The following PAK3 variants were observed in gnomAD, a reference collection of about 807,000 sequenced individuals.
The protein encoded by PAK3 is serine/threonine-protein kinase PAK 3.
Under a neutral mutation model 41.0 loss-of-function variants are expected in PAK3, and 4 were observed. That is an observed-to-expected ratio of 0.10 (90% CI 0.05 to 0.22). The LOEUF is 0.22. Among genes scored for constraint, PAK3 ranks in the 10% least tolerant of loss-of-function variants. The pLI is 1.00. For synonymous variants in PAK3, 146 were observed against 139.6 expected, an observed-to-expected ratio of 1.05 and a Z score of -0.32; for missense variants, 205 against 409.9, an observed-to-expected ratio of 0.50 and a Z score of 4.32.
In PAK3 at chrX:111,049,792, A is replaced by G. The variant is rs143894731; in HGVS notation, c.-27-73285A>G. Among the ~76,000 whole-genome samples, 87 of 112,211 alleles carry G rather than the reference A, an allele frequency of 7.8e-4. No individual in the cohort carries two copies. The East Asian group carries it at 0.02, about 26-fold the overall frequency. ...GTAGAAAGAAGAATGATGATTCCAT[A>G]GTTTCTTGCCATTAGAACAAAATAG... On this transcript the variant is annotated intron_variant, in intron 1 of 14. Coordinates refer to the PAK3 transcript ENST00000425146.
chrX:111,011,385 A>G lies in PAK3; in HGVS notation c.-28+66757A>G, dbSNP rs1052612474. On this transcript the variant is annotated intron_variant, in intron 1 of 14. Coordinates refer to the PAK3 transcript ENST00000425146. ...GGAAGGTGTAGGAAGATGAAGCCTAATTAAGGGTCTTCCTGTTCCACCACA... is the reference window on the plus strand; with the variant it reads ...GGAAGGTGTAGGAAGATGAAGCCTAGTTAAGGGTCTTCCTGTTCCACCACA... 3.6e-5 allele frequency among the ~76,000 whole-genome samples: 4 copies of G among 111,813 alleles called. No homozygotes were observed. In the South Asian group the frequency reaches 1.5e-3, roughly 42 times the overall value.
At chrX:110,977,996 T>G (rs985530222) in intron 1 of PAK3, among the ~76,000 whole-genome samples, 53 of 112,406 alleles carry the variant, frequency 4.7e-4, no homozygotes, top group African/African-American at 1.7e-3. Flanking sequence ...CTTTCACTAT[T>G]AATTATGACG....
At chrX:110,977,366 TG>T (rs1279727641) in intron 1 of PAK3, among the ~76,000 whole-genome samples, 1 of 111,023 alleles carries the variant, frequency 9.0e-6, no homozygotes, top group African/African-American at 3.3e-5. Context: ...TTTAACTATT[TG>T]GGGTAACTTG....
intron 4 of PAK3, among the ~76,000 whole-genome samples, chrX:111,103,565 CA>C (rs1266469465): frequency 1.3e-4 from 14 of 111,787 alleles, no homozygotes; most frequent in Non-Finnish European, 2.1e-4. Flanking sequence ...CAATCGTTGC[CA>C]AGTCCGTTGC....
At chrX:111,174,053 C>A (rs1355801784) in intron 11 of PAK3, among the ~76,000 whole-genome samples, 1 of 111,124 alleles carries the variant, frequency 9.0e-6, no homozygotes, top group Admixed American at 9.6e-5. Context: ...AATATGCTTG[C>A]AAAACTGTGC....
chrX:111,144,932 A>T (rs777020894), intron 6 of PAK3: 3 of 971,452 alleles, frequency 3.1e-6, no homozygotes, highest in Non-Finnish European at 4.3e-6. Flanking sequence ...GGTATGAGTG[A>T]TATAAATTAT....
rs771298383 is a variant in PAK3, at chrX:111,202,933, C to T, written c.1407+6293C>T. Among the ~76,000 whole-genome samples the T allele has an allele frequency of 2.7e-5, 3 of 111,784 alleles. No individual in the cohort carries two copies. In the East Asian group the frequency reaches 8.5e-4, roughly 32 times the overall value. ...TGTGAAGCTGTATCGAAGATTGGAT[C>T]GCTGGAAGACAGTTATTGGTATCAC... On this transcript the variant is annotated intron_variant, in intron 16 of 17. Coordinates refer to ENST00000372007, the MANE Select transcript of PAK3 (RefSeq NM_002578.5).
intron 1 of PAK3, among the ~76,000 whole-genome samples, chrX:110,981,002 T>A (rs1373984443): frequency 8.9e-6 from 1 of 111,808 alleles, no homozygotes; most frequent in Admixed American, 9.5e-5. Flanking sequence ...AGGGGTCGGT[T>A]TCTATCACTC....
At chrX:111,067,426 G>C (rs922824899) in intron 1 of PAK3, among the ~76,000 whole-genome samples, 6 of 111,414 alleles carry the variant, frequency 5.4e-5, no homozygotes, top group African/African-American at 2.0e-4. Flanking sequence ...GAAAGAGTAA[G>C]CAATTTTCCA....
chrX:110,946,734 G>A (rs2090627598), intron 1 of PAK3, among the ~76,000 whole-genome samples: 1 of 112,300 alleles, frequency 8.9e-6, no homozygotes, highest in African/African-American at 3.2e-5. Context: ...CTCTCATTCT[G>A]TGGATGTTTA....
intron 6 of PAK3, among the ~76,000 whole-genome samples, chrX:111,144,544 C>T (rs776677690): frequency 9.0e-6 from 1 of 111,555 alleles, no homozygotes; most frequent in East Asian, 2.8e-4. Flanking sequence ...ATTGTCATAG[C>T]ACCACTAATT....
intron 8 of PAK3, among the ~76,000 whole-genome samples, chrX:111,155,659 A>C (rs1438476453): frequency 9.0e-6 from 1 of 111,461 alleles, no homozygotes; most frequent in Non-Finnish European, 1.9e-5. Flanking sequence ...CTGGTACCAA[A>C]TAGATACTTG....
intron 1 of PAK3, among the ~76,000 whole-genome samples, chrX:111,042,354 T>C (rs1281498179): frequency 1.8e-5 from 2 of 111,975 alleles, no homozygotes; most frequent in African/African-American, 6.5e-5. Flanking sequence ...GCCCACCCAC[T>C]CACCACTGCA....
At chrX:111,046,693 CT>C (rs2092501875) in intron 1 of PAK3, among the ~76,000 whole-genome samples, 1 of 111,668 alleles carries the variant, frequency 9.0e-6, no homozygotes, top group Admixed American at 9.5e-5. Flanking sequence ...TGAATAGTAC[CT>C]GTTCATGGGG....
intron 1 of PAK3, among the ~76,000 whole-genome samples, chrX:111,019,732 GC>G (rs1356107770): frequency 2.2e-5 from 2 of 92,727 alleles, no homozygotes. Context: ...AGGGGGGGGG[GC>G]AAATGATTTG....
chrX:111,117,202 G>T (rs2148970353), intron 4 of PAK3, among the ~76,000 whole-genome samples: 1 of 111,895 alleles, frequency 8.9e-6, no homozygotes, highest in Non-Finnish European at 1.9e-5. Context: ...GCATGAAGTG[G>T]GTTGAAATGA....
At chrX:111,144,701 T>A (rs2093919814) in intron 6 of PAK3, among the ~76,000 whole-genome samples, 1 of 111,051 alleles carries the variant, frequency 9.0e-6, no homozygotes, top group African/African-American at 3.3e-5. Flanking sequence ...CTGTGTTGCT[T>A]GGTGATTACT....
At chrX:111,012,545 C>G (rs2092026358) in intron 1 of PAK3, among the ~76,000 whole-genome samples, 1 of 112,048 alleles carries the variant, frequency 8.9e-6, no homozygotes, top group African/African-American at 3.2e-5. Flanking sequence ...TGTTTTGGTT[C>G]TCCCTCAGAT....
intron 16 of PAK3, among the ~76,000 whole-genome samples, chrX:111,210,668 T>A (rs953758972): frequency 8.9e-6 from 1 of 112,230 alleles, no homozygotes; most frequent in Non-Finnish European, 1.9e-5. Flanking sequence ...GATCACCTAT[T>A]TTGAGCAAGT....
Sources: allele counts gnomAD v4.1 joint callset (sites outside exome capture counted in the v4.1 genomes callset), GRCh38; gene constraint gnomAD v4.1.1; transcripts MANE v1.5; gene names NCBI Gene and HGNC (gene_info 2026-07-23, HGNC 2026-07-21).